The following FAM13B variants were observed in gnomAD, a reference collection of about 807,000 sequenced individuals.
FAM13B encodes family with sequence similarity 13 member B, also known as protein FAM13B.
A neutral mutation model predicts 117.3 loss-of-function variants in FAM13B; 60 were observed. The ratio of observed to expected loss-of-function variants is 0.51; its 90% confidence interval spans 0.42 to 0.63. FAM13B has a LOEUF of 0.63. Ranked by LOEUF, FAM13B falls within the 30% of genes least tolerant of loss-of-function variation. The pLI, the probability that FAM13B is intolerant of heterozygous loss-of-function variation, is 0.00. For synonymous variants in FAM13B, 332 were observed against 356.1 expected (o/e 0.93, Z 0.76); for missense variants, 972 against 1,091.9 (o/e 0.89, Z 1.55).
intron 1 of FAM13B, among the ~76,000 whole-genome samples, chr5:138,025,650 CT>C (rs1190662054): frequency 2.0e-5 from 3 of 152,074 alleles, no homozygotes; most frequent in Admixed American, 6.6e-5. Context: ...ACACACACCC[CT>C]TTTTCCCCCC....
intron 7 of FAM13B, among the ~76,000 whole-genome samples, chr5:137,991,043 A>G (rs1446843304): frequency 6.6e-6 from 1 of 152,204 alleles, no homozygotes; most frequent in Non-Finnish European, 1.5e-5. Context: ...TATCCTAGAT[A>G]CAAAAGGGGA....
intron 7 of FAM13B, among the ~76,000 whole-genome samples, chr5:137,998,040 G>C (rs1354958750): frequency 6.6e-6 from 1 of 152,122 alleles, no homozygotes; most frequent in African/African-American, 2.4e-5. Context: ...ATCCAAATAA[G>C]GCAAATGCCT....
At chr5:138,000,929 CA>C (rs137895601) in intron 7 of FAM13B, among the ~76,000 whole-genome samples, 3 of 17,928 alleles carry the variant, frequency 1.7e-4, no homozygotes, top group African/African-American at 6.4e-4. Context: ...GACACTGTCT[CA>C]AAAAACAAAA....
Position 137,985,380 on chromosome 5 carries a change from A to G in FAM13B, c.1056T>C (p.Ile352=). Residue 352 remains isoleucine, a synonymous_variant, in exon 10 of 24, where the codon ATT becomes ATC. Transcript: ENST00000689681. ...DGEGSNNQID[I]ADDIINASES... ...CACTGGCATTAATAATATCATCAGCAATATCAATCCTAGGGATGAAGTTTA... is the reference window on the plus strand; with the variant it reads ...CACTGGCATTAATAATATCATCAGCGATATCAATCCTAGGGATGAAGTTTA... 1.2e-6 allele frequency: 2 copies of G among 1,613,618 alleles called. No homozygotes were observed. Among genetic ancestry groups the G allele is most frequent in the Non-Finnish European group, 1.7e-6 (2 of 1,179,868 alleles).
At chr5:138,000,130 T>C (rs946277999) in intron 7 of FAM13B, among the ~76,000 whole-genome samples, 1 of 152,202 alleles carries the variant, frequency 6.6e-6, no homozygotes, top group African/African-American at 2.4e-5. Flanking sequence ...AAACACTAAA[T>C]AAGGCCCAGT....
At chr5:137,979,916 C>T (rs907601917) in intron 10 of FAM13B, among the ~76,000 whole-genome samples, 2 of 151,052 alleles carry the variant, frequency 1.3e-5, no homozygotes, top group African/African-American at 4.9e-5. Context: ...AATCCCAGCA[C>T]TTTGGGAGGC....
intron 9 of FAM13B, among the ~76,000 whole-genome samples, chr5:137,986,120 G>A (rs796138451): frequency 1.4e-4 from 21 of 145,204 alleles, no homozygotes; most frequent in Admixed American, 4.2e-4. Flanking sequence ...TCCCTCTCCC[G>A]CCTTTTCCCA....
chr5:137,986,114 T>C (rs1777138680), intron 9 of FAM13B, among the ~76,000 whole-genome samples: 1 of 151,928 alleles, frequency 6.6e-6, no homozygotes, highest in Admixed American at 6.6e-5. Flanking sequence ...TTTCTTTCCC[T>C]CTCCCGCCTT....
At chr5:138,022,124 A>G (rs1340553641) in intron 1 of FAM13B, among the ~76,000 whole-genome samples, 3 of 151,420 alleles carry the variant, frequency 2.0e-5, no homozygotes, top group African/African-American at 2.4e-5. Context: ...AAAAAAAAAA[A>G]AAAAAAAAAA....
intron 13 of FAM13B, among the ~76,000 whole-genome samples, chr5:137,958,320 A>C (rs1767155228): frequency 6.6e-6 from 1 of 152,256 alleles, no homozygotes; most frequent in Non-Finnish European, 1.5e-5. Flanking sequence ...AAGTTAAAAC[A>C]GATAATATGC....
intron 7 of FAM13B, among the ~76,000 whole-genome samples, chr5:137,992,638 T>C (rs1778906977): frequency 6.6e-6 from 1 of 151,880 alleles, no homozygotes; most frequent in Admixed American, 6.6e-5. Context: ...ACCACTAAAG[T>C]TCACAAAAGT....
chr5:138,044,814 C>G (rs574908876), intron 1 of FAM13B, among the ~76,000 whole-genome samples: 1 of 152,138 alleles, frequency 6.6e-6, no homozygotes, highest in East Asian at 1.9e-4. Flanking sequence ...TATGAAATTA[C>G]AAAAATAAAC....
intron 5 of FAM13B, among the ~76,000 whole-genome samples, chr5:138,011,358 TC>T (rs1783954599): frequency 6.6e-6 from 1 of 152,186 alleles, no homozygotes; most frequent in African/African-American, 2.4e-5. Flanking sequence ...AAATAATTGT[TC>T]ATCAAGCAAC....
intron 10 of FAM13B, among the ~76,000 whole-genome samples, chr5:137,968,346 C>G (rs1346417336): frequency 6.7e-6 from 1 of 149,426 alleles, no homozygotes; most frequent in African/African-American, 2.5e-5. Context: ...GAGGCTGAGG[C>G]ATGAGACTCA....
chr5:137,968,598 G>C (rs1052164554), intron 10 of FAM13B, among the ~76,000 whole-genome samples: 2 of 152,050 alleles, frequency 1.3e-5, no homozygotes, highest in Admixed American at 1.3e-4. Flanking sequence ...AATTTGTGGG[G>C]GGAGGAGCCA....
At chr5:138,011,221 G>C in intron 5 of FAM13B, 72 bp from the exon 6 acceptor site, 1 of 1,409,334 alleles carries the variant, frequency 7.1e-7, no homozygotes, top group Non-Finnish European at 9.7e-7. Flanking sequence ...GACAACCAAT[G>C]AGATACTTTA....
At chr5:138,020,505 T>A (rs1194930213) in intron 2 of FAM13B, among the ~76,000 whole-genome samples, 2 of 152,188 alleles carry the variant, frequency 1.3e-5, no homozygotes, top group African/African-American at 2.4e-5. Flanking sequence ...ATTTCCAATA[T>A]CTGACACATC....
intron 17 of FAM13B, among the ~76,000 whole-genome samples, chr5:137,951,209 CAAAAAAAAAAA>C (rs1158310740): frequency 4.7e-5 from 3 of 63,240 alleles, no homozygotes; most frequent in Non-Finnish European, 8.3e-5. Flanking sequence ...CTGTCTCAAA[CAAAAAAAAAAA>C]AAAAAAAAAA....
At chr5:138,040,341 G>T (rs2005409) in intron 1 of FAM13B, among the ~76,000 whole-genome samples, 41,536 of 148,148 alleles carry the variant, frequency 0.28, 6,300 homozygotes, top group East Asian at 0.58. Flanking sequence ...AGGCCGAGGC[G>T]GGCCGATCAC....
Sources: allele counts gnomAD v4.1 joint callset (sites outside exome capture counted in the v4.1 genomes callset), GRCh38; gene constraint gnomAD v4.1.1; transcripts MANE v1.5; gene names NCBI Gene and HGNC (gene_info 2026-07-23, HGNC 2026-07-21).